Variants in RELL1 observed in about 807,000 individuals in gnomAD.
RELL1 encodes the protein RELT-like protein 1.
Under a neutral mutation model 23.0 loss-of-function variants are expected in RELL1, and 10 were observed. The ratio of observed to expected loss-of-function variants is 0.43; its 90% confidence interval spans 0.27 to 0.74. RELL1 has a LOEUF of 0.74. Ranked by LOEUF, RELL1 falls within the 30% of genes least tolerant of loss-of-function variation. The pLI is 0.19. For missense variants in RELL1, 315 were observed against 364.4 expected (o/e 0.86, Z 1.10); for synonymous variants, 146 against 146.8 (o/e 0.99, Z 0.04).
At chr4:37,673,186 CTTTTTTTTT>C (rs71189095) in intron 1 of RELL1, among the ~76,000 whole-genome samples, 3 of 93,180 alleles carry the variant, frequency 3.2e-5, no homozygotes, top group Non-Finnish European at 5.7e-5. Context: ...CTTTTTTTTT[CTTTTTTTTT>C]TTTTTTTTTT....
In RELL1 at chr4:37,592,555, G is replaced by A. The variant is rs142872120; in HGVS notation, c.*4-1338C>T. ...CTGAAACAAGGACAACCATTCTAAC[G>A]TAACTCAATGGAGAATTTAAAGGCA... is the stretch of plus-strand genomic sequence containing the variant. On this transcript the variant is annotated intron_variant, in intron 6 of 6. Transcript: ENST00000314117. Among the ~76,000 whole-genome samples the A allele has an allele frequency of 1.7e-3, 256 of 152,114 alleles. 1 individual carries two copies. Among genetic ancestry groups the A allele is most frequent in the African/African-American group, 5.7e-3 (237 of 41,484 alleles).
intron 3 of RELL1, among the ~76,000 whole-genome samples, chr4:37,642,887 G>A (rs1333083514): frequency 6.6e-6 from 1 of 152,254 alleles, no homozygotes. Context: ...CAGGTGCCGG[G>A]AGGGTGGCGC....
chr4:37,629,016 C>T (rs1560335778), intron 6 of RELL1, among the ~76,000 whole-genome samples: 1 of 152,206 alleles, frequency 6.6e-6, no homozygotes, highest in Non-Finnish European at 1.5e-5. Flanking sequence ...TAGAGTACCG[C>T]TCTCTGGGCA....
chr4:37,661,037 A>C (rs1298114610), intron 1 of RELL1, among the ~76,000 whole-genome samples: 3 of 151,520 alleles, frequency 2.0e-5, no homozygotes, highest in Non-Finnish European at 1.5e-5. Context: ...TCTCAAAAAA[A>C]AAAAACAAAA....
chr4:37,660,797 C>A (rs998902202), intron 1 of RELL1, among the ~76,000 whole-genome samples: 1 of 152,204 alleles, frequency 6.6e-6, no homozygotes, highest in Non-Finnish European at 1.5e-5. Flanking sequence ...TTTGGGAGGC[C>A]AAGGCGGGCA....
intron 6 of RELL1, among the ~76,000 whole-genome samples, chr4:37,625,794 A>G (rs777002547): frequency 3.9e-5 from 6 of 152,244 alleles, no homozygotes; most frequent in Non-Finnish European, 7.3e-5. Context: ...TATATGATGT[A>G]ATACATATGT....
intron 3 of RELL1, among the ~76,000 whole-genome samples, chr4:37,641,439 C>T (rs1720527648): frequency 1.3e-5 from 2 of 152,174 alleles, no homozygotes; most frequent in African/African-American, 2.4e-5. Flanking sequence ...TGTGAAGTTA[C>T]CATAAAAGAG....
chr4:37,656,159 T>A lies in RELL1; in HGVS notation c.89-6659A>T, dbSNP rs567250132. Among the ~76,000 whole-genome samples the A allele has an allele frequency of 9.2e-5, 14 of 152,342 alleles. No individual in the cohort carries two copies. In the South Asian group the frequency reaches 2.9e-3, roughly 32 times the overall value. ...GAAATCGTGGCATATGAAAATGGAA[T>A]ATTATTCAGCTTTATAAAGAAGAAA... On this transcript the variant is annotated intron_variant, in intron 1 of 6. Coordinates refer to ENST00000454158, the MANE Select transcript of RELL1 (RefSeq NM_001085400.2).
rs1410150330 is a variant in RELL1, at chr4:37,649,349, C to T, written c.240G>A (p.Leu80=). ...TACAACGATAGCCTTTCTTCTTAAG[C>T]AGGTGGCAAATGAGGACGCCAAAGA... ...MGLFGVLICH[L]LKKKGYRCTT... is the part of the protein sequence containing the mutation. Residue 80 remains leucine, a synonymous_variant, in exon 2 of 7, where the codon CTG becomes CTA. Coordinates refer to ENST00000454158, the MANE Select transcript of RELL1 (RefSeq NM_001085400.2). 1.9e-6 allele frequency: 3 copies of T among 1,614,222 alleles called. No individual in the cohort carries two copies. The highest frequency in any genetic ancestry group is 1.1e-5 in the South Asian group (1 of 91,086).
At chr4:37,631,909 TC>T (rs1322566436) in intron 5 of RELL1, among the ~76,000 whole-genome samples, 2 of 151,632 alleles carry the variant, frequency 1.3e-5, no homozygotes, top group Admixed American at 1.3e-4. Context: ...CAAAACTCTG[TC>T]TCTACAGAAA....
intron 6 of RELL1, among the ~76,000 whole-genome samples, chr4:37,596,723 TATATATA>T (rs1205553305): frequency 7.2e-5 from 1 of 13,976 alleles, no homozygotes; most frequent in Non-Finnish European, 2.5e-4. Context: ...TATATATATA[TATATATA>T]TATATATTTT....
At chr4:37,605,773 G>GAGAGAGAGAAAGAA (rs1209651698), downstream of RELL1, among the ~76,000 whole-genome samples, 4 of 125,740 alleles carry the variant, frequency 3.2e-5, no homozygotes, top group Non-Finnish European at 3.3e-5. Flanking sequence ...GAAAGAGAGA[G>GAGAGAGAGAAAGAA]AGAGAGAGAG....
intron 1 of RELL1, among the ~76,000 whole-genome samples, chr4:37,665,999 G>A (rs1721517961): frequency 1.3e-5 from 2 of 152,312 alleles, no homozygotes; most frequent in Admixed American, 1.3e-4. Flanking sequence ...CGACCAGGCA[G>A]AGGGAGAAAG....
chr4:37,681,031 G>A (rs894885500), intron 1 of RELL1, among the ~76,000 whole-genome samples: 5 of 151,694 alleles, frequency 3.3e-5, no homozygotes, highest in South Asian at 2.1e-4. Context: ...GGTGATTCTC[G>A]CTCCTTCCTC....
At chr4:37,670,765 G>T (rs1406188109) in intron 1 of RELL1, among the ~76,000 whole-genome samples, 1 of 151,882 alleles carries the variant, frequency 6.6e-6, no homozygotes. Context: ...GTAGAGACAG[G>T]GTTTCACCAT....
downstream of RELL1, among the ~76,000 whole-genome samples, chr4:37,589,473 A>G (rs1257351393): frequency 6.6e-6 from 1 of 152,218 alleles, no homozygotes; most frequent in East Asian, 1.9e-4. Flanking sequence ...TAGTGACTGC[A>G]TAATATTCCA....
intron 1 of RELL1, among the ~76,000 whole-genome samples, chr4:37,658,992 C>T (rs1015846482): frequency 5.3e-5 from 8 of 152,178 alleles, no homozygotes; most frequent in African/African-American, 1.4e-4. Flanking sequence ...AATCACAGCT[C>T]GCCTTATGCA....
At chr4:37,622,553 C>T (rs1028369538) in intron 6 of RELL1, among the ~76,000 whole-genome samples, 3 of 152,168 alleles carry the variant, frequency 2.0e-5, no homozygotes, top group East Asian at 3.9e-4. Context: ...ACACTGGAGA[C>T]AGTAAAGGAA....
intron 1 of RELL1, among the ~76,000 whole-genome samples, chr4:37,659,627 C>T (rs1721248187): frequency 6.6e-6 from 1 of 152,162 alleles, no homozygotes; most frequent in Non-Finnish European, 1.5e-5. Context: ...CTGAACAAGT[C>T]ACTTCACCTC....
Sources: allele counts gnomAD v4.1 joint callset (sites outside exome capture counted in the v4.1 genomes callset), GRCh38; gene constraint gnomAD v4.1.1; transcripts MANE v1.5; gene names NCBI Gene and HGNC (gene_info 2026-07-23, HGNC 2026-07-21).